Variants in DIS3L observed in about 807,000 individuals in gnomAD.
DIS3L encodes the protein DIS3-like exonuclease 1.
In DIS3L, 100 loss-of-function variants were observed where a neutral mutation model predicts 120.3. That is an observed-to-expected ratio of 0.83 (90% CI 0.71 to 0.98). DIS3L has a LOEUF of 0.98. DIS3L is among the 50% of genes least tolerant of loss of function. The probability of loss-of-function intolerance (pLI) is 0.00; values close to 1 mark genes in which losing one functional copy is unlikely to be tolerated. For synonymous variants in DIS3L, 426 were observed against 470.6 expected (o/e 0.91, Z 1.23); for missense variants, 1,196 against 1,314.2 (o/e 0.91, Z 1.39).
chr15:66,303,203 T>C (rs1049414940), intron 2 of DIS3L, among the ~76,000 whole-genome samples: 1 of 152,224 alleles, frequency 6.6e-6, no homozygotes, highest in Non-Finnish European at 1.5e-5. Context: ...CATTCATCCA[T>C]TGATAGATTG....
chr15:66,312,733 A>G (rs1009468736), intron 5 of DIS3L, among the ~76,000 whole-genome samples: 4 of 152,186 alleles, frequency 2.6e-5, no homozygotes, highest in African/African-American at 9.7e-5. Context: ...GTGTAGCTCT[A>G]TGCAGTTTTA....
At position 66,333,139 on chromosome 15, in the gene DIS3L, AAAG is replaced by A; in HGVS notation, c.2996_2998del (p.Glu999del). 2 of 1,613,852 alleles carry A rather than the reference AAAG, an allele frequency of 1.2e-6. No homozygotes were observed. Among genetic ancestry groups the A allele is most frequent in the Non-Finnish European group, 1.7e-6 (2 of 1,180,038 alleles). On this transcript the variant is annotated inframe_deletion, in exon 17 of 17. Transcript: ENST00000319212. ...CCCCTTGCTGAAGAGTGAGTTAGTG[AAAG>A]AAGTAACTAAATCTGTGGAAGAAGC...
chr15:66,325,775 CAAAAAAA>C lies in DIS3L; in HGVS notation c.1668-55_1668-49del, dbSNP rs542672310. 1.2e-4 allele frequency: 191 copies of C among 1,535,888 alleles called. 1 individual carries two copies. Among genetic ancestry groups the C allele is most frequent in the South Asian group, 8.2e-4 (63 of 76,792 alleles). ...GATCCTGTCTCAAAAAAACAAAAAA[CAAAAAAA>C]GCCAGATGAATTTGAATAGTGATGT... On this transcript the variant is annotated intron_variant, in intron 11 of 16. Transcript: ENST00000319212.
chr15:66,329,124 G>T lies in DIS3L; in HGVS notation c.2356G>T (p.Gly786Cys), dbSNP rs761483425. ...SCAEEEFHHY[G>C]LALDKYTHFT... is the part of the protein sequence containing the mutation. The stretch of plus-strand genomic sequence containing the variant: ...TGCGGAGGAGGAGTTCCATCATTAC[G>T]GTGAATCATACCATATTCCTATGTG... The change falls in exon 13 of 17, where the codon GGT becomes TGT. Residue 786 changes from glycine (G) to cysteine (C), a missense_variant and splice_region_variant. Physicochemically the swap from Gly to Cys is radical, Grantham distance 159 (BLOSUM62 -3). Transcript: ENST00000319212. 66 of 1,610,026 alleles carry T rather than the reference G, an allele frequency of 4.1e-5. No homozygotes were observed. In the South Asian group the frequency reaches 4.3e-4, roughly 11 times the overall value.
intron 6 of DIS3L, 113 bp downstream of exon 6, chr15:66,314,230 A>G: frequency 2.6e-6 from 2 of 766,744 alleles, no homozygotes; most frequent in Non-Finnish European, 3.8e-6. Flanking sequence ...ATGTATGCCT[A>G]CATACATTGG....
chr15:66,301,399 G>C (rs1479900256), intron 2 of DIS3L, among the ~76,000 whole-genome samples: 1 of 151,912 alleles, frequency 6.6e-6, no homozygotes. Context: ...TCCTGCCTCA[G>C]CCTCCTAGAT....
chr15:66,322,881 T>C lies in DIS3L; in HGVS notation c.1521T>C (p.Asp507=). The part of the protein sequence containing the change: ...GNLELGVHIA[D]VTHFVAPNSY... Reference sequence around the variant, plus strand: ...TGGAACTTGGGGTCCACATCGCAGATGTAACACACTTTGTGGCACCAAATT... The same window carrying C: ...TGGAACTTGGGGTCCACATCGCAGACGTAACACACTTTGTGGCACCAAATT... The change falls in exon 10 of 17, where the codon GAT becomes GAC. Residue 507 remains aspartate, a synonymous_variant. Coordinates refer to ENST00000319212, the MANE Select transcript of DIS3L (RefSeq NM_001143688.3). 6.2e-7 allele frequency: 1 copy of C among 1,614,218 alleles called. No homozygotes were observed. The highest frequency in any genetic ancestry group is 8.5e-7 in the Non-Finnish European group (1 of 1,180,042).
At chr15:66,309,406 T>C (rs1595730547) in intron 4 of DIS3L, among the ~76,000 whole-genome samples, 1 of 151,978 alleles carries the variant, frequency 6.6e-6, no homozygotes, top group Non-Finnish European at 1.5e-5. Context: ...ATAACAGTAA[T>C]AGTAATGGTG....
chr15:66,311,515 G>C (rs1329540890), intron 4 of DIS3L, among the ~76,000 whole-genome samples: 1 of 152,168 alleles, frequency 6.6e-6, no homozygotes, highest in Non-Finnish European at 1.5e-5. Flanking sequence ...TTCCACGGTG[G>C]AGTGGCTTCC....
At chr15:66,318,408 C>G in intron 7 of DIS3L, 41 bp from the exon 8 acceptor site, 1 of 1,591,602 alleles carries the variant, frequency 6.3e-7, no homozygotes, top group African/African-American at 1.3e-5. Context: ...ATAGATGGCA[C>G]CTAACCAGTT....
rs916113197 is a variant in DIS3L at position 66,333,284 on chromosome 15, T to G, written c.3137T>G (p.Leu1046Arg). Residue 1046 changes from leucine to arginine, a missense_variant, in exon 17 of 17, where the codon CTG becomes CGG. Leu to Arg is a moderately radical substitution (Grantham distance 102, BLOSUM62 -2). Coordinates refer to ENST00000319212, the MANE Select transcript of DIS3L (RefSeq NM_001143688.3). ...GAGGAGATACGGGACCTAGCTCTCC[T>G]GGATGTTTCAAACAATTATGGAATA... ...LLEEIRDLAL[L>R]DVSNNYGI 1.2e-6 allele frequency: 2 copies of G among 1,604,924 alleles called. No individual in the cohort carries two copies. The highest frequency in any genetic ancestry group is 3.5e-5 in the Admixed American group (2 of 57,464).
Position 66,314,116 on chromosome 15 carries a change from A to T in DIS3L, c.813A>T (p.Ser271=). 1 of 1,507,572 alleles carries T rather than the reference A, an allele frequency of 6.6e-7. No homozygotes were observed. Among genetic ancestry groups the T allele is most frequent in the Non-Finnish European group, 8.8e-7 (1 of 1,134,820 alleles). The allele number at this position is 1,507,572 out of a possible 1,614,324, so 93.4% of individuals were successfully genotyped here. A position where few individuals can be genotyped will look rare whatever the true frequency, so the allele number is the denominator to read the frequency against. The change falls in exon 6 of 17, where the codon TCA becomes TCT. Residue 271 remains serine (S), a splice_region_variant and synonymous_variant. Transcript: ENST00000319212. ...TTCAAGGAGCCAGCAGTAAAGATTC[A>T]GGTTCAGTATAAACCTTACATAAAT... ...VRLQGASSKD[S]DLVSDILIHG...
chr15:66,328,160 G>A (rs2092958626), intron 12 of DIS3L, among the ~76,000 whole-genome samples: 1 of 152,174 alleles, frequency 6.6e-6, no homozygotes, highest in Non-Finnish European at 1.5e-5. Context: ...AATTAAGTCT[G>A]AAGAGATTAA....
chr15:66,296,986 A>C (rs1025450826), intron 2 of DIS3L, among the ~76,000 whole-genome samples: 2 of 152,176 alleles, frequency 1.3e-5, no homozygotes, highest in African/African-American at 4.8e-5. Context: ...TAGGCCAAAA[A>C]ATCCTTTGGG....
chr15:66,311,415 A>G (rs2092759932), intron 4 of DIS3L, among the ~76,000 whole-genome samples: 2 of 152,134 alleles, frequency 1.3e-5, no homozygotes, highest in Non-Finnish European at 2.9e-5. Flanking sequence ...ACACATAAAG[A>G]CAGGCTGCCT....
At position 66,322,809 on chromosome 15, in the gene DIS3L, A is replaced by C. The variant is rs1448960814; in HGVS notation, c.1449A>C (p.Glu483Asp). The C allele has an allele frequency of 1.5e-5, 25 of 1,614,208 alleles. No individual in the cohort carries two copies. Among genetic ancestry groups the C allele is most frequent in the Non-Finnish European group, 2.1e-5 (25 of 1,180,022 alleles). Residue 483 changes from glutamate to aspartate, a missense_variant, in exon 10 of 17, where the codon GAA (glutamate) becomes GAC (aspartate). Glu to Asp is a conservative substitution (Grantham distance 45). Coordinates refer to ENST00000319212, the MANE Select transcript of DIS3L (RefSeq NM_001143688.3). The part of the protein sequence containing the change: ...LVFSIDPKGC[E>D]DVDDTLSVRT... ...TCAGCATTGACCCCAAAGGTTGTGA[A>C]GATGTGGATGACACACTCTCAGTCA...
chr15:66,331,105 A>C (rs1400442704), intron 14 of DIS3L, among the ~76,000 whole-genome samples: 1 of 152,102 alleles, frequency 6.6e-6, no homozygotes. Flanking sequence ...CAGGGAGCCA[A>C]GATCGCGCCA....
At chr15:66,329,534 A>C in intron 14 of DIS3L, 135 bp downstream of exon 14, 3 of 1,345,506 alleles carry the variant, frequency 2.2e-6, no homozygotes, top group Non-Finnish European at 2.9e-6. Context: ...TGCTTTCAGA[A>C]CATTTGTAGA....
At position 66,331,931 on chromosome 15, in the gene DIS3L, A is replaced by C. The variant is rs1174034712; in HGVS notation, c.2592A>C (p.Lys864Asn). Residue 864 changes from lysine (K) to asparagine (N), a missense_variant, in exon 15 of 17, where the codon AAA becomes AAC. Lys to Asn is a moderately conservative substitution (Grantham distance 94). Transcript: ENST00000319212. The stretch of plus-strand genomic sequence containing the variant: ...AGCTCTTCCAGTGCATGTACTTCAA[A>C]GACAAAGACCCTGCCACCGAGGAGC... ...STELFQCMYF[K>N]DKDPATEERC... 2 of 1,613,532 alleles carry C rather than the reference A, an allele frequency of 1.2e-6. No individual in the cohort carries two copies. Among genetic ancestry groups the C allele is most frequent in the Non-Finnish European group, 1.7e-6 (2 of 1,179,682 alleles).
Sources: gnomAD v4.1 joint callset for allele counts (sites outside exome capture counted in the v4.1 genomes callset) on GRCh38, gnomAD v4.1.1 for gene constraint, MANE v1.5 for transcripts, NCBI Gene and HGNC (gene_info 2026-07-23, HGNC 2026-07-21) for gene names.